Variants in SPPL2A observed in about 807,000 individuals in gnomAD.
The protein encoded by SPPL2A is signal peptide peptidase like 2A.
SPPL2A carries 51 observed loss-of-function variants against 63.8 expected under a neutral mutation model. The ratio of observed to expected loss-of-function variants is 0.80; its 90% confidence interval spans 0.64 to 1.01. The LOEUF is 1.01. Among genes scored for constraint, SPPL2A ranks in the 50% least tolerant of loss-of-function variants. SPPL2A has a pLI of 0.00. For synonymous variants in SPPL2A, 188 were observed against 205.8 expected, an observed-to-expected ratio of 0.91 and a Z score of 0.74; for missense variants, 553 against 622.7, an observed-to-expected ratio of 0.89 and a Z score of 1.19.
intron 14 of SPPL2A, among the ~76,000 whole-genome samples, chr15:50,715,048 A>G (rs2062590655): frequency 6.6e-6 from 1 of 150,684 alleles, no homozygotes; most frequent in Non-Finnish European, 1.5e-5. Context: ...GATGGAGTGC[A>G]GTGGTACAAT....
At chr15:50,751,748 A>G (rs995193106) in intron 1 of SPPL2A, among the ~76,000 whole-genome samples, 1 of 152,204 alleles carries the variant, frequency 6.6e-6, no homozygotes, top group Non-Finnish European at 1.5e-5. Context: ...ATATCATACT[A>G]GGGATTACAA....
At chr15:50,720,517 CTTT>C (rs750969318) in intron 13 of SPPL2A, among the ~76,000 whole-genome samples, 1 of 105,584 alleles carries the variant, frequency 9.5e-6, no homozygotes, top group African/African-American at 3.5e-5. Flanking sequence ...TTGAACTTTT[CTTT>C]TTTTTTTTTT....
chr15:50,707,868 C>T lies in SPPL2A; in HGVS notation c.1495G>A (p.Asp499Asn). ...FWKGNSYQMM[D>N]HLDCATNEEN... is the part of the protein sequence containing the mutation. ...TCATTTGTTGCACAATCCAAATGGT[C>T]CATCATCTAGGCATAAATAAAAGAC... The change falls in exon 15 of 15, where the codon GAC becomes AAC. Residue 499 changes from aspartate (D) to asparagine (N), a missense_variant. Coordinates refer to ENST00000261854, the MANE Select transcript of SPPL2A (RefSeq NM_032802.4). The T allele has an allele frequency of 6.3e-7, 1 of 1,578,450 alleles. No individual in the cohort carries two copies. The highest frequency in any genetic ancestry group is 8.7e-7 in the Non-Finnish European group (1 of 1,147,540).
At chr15:50,763,387 T>G (rs1335243108) in intron 1 of SPPL2A, among the ~76,000 whole-genome samples, 1 of 152,166 alleles carries the variant, frequency 6.6e-6, no homozygotes, top group African/African-American at 2.4e-5. Context: ...GAAAAATCAG[T>G]GATACTAGCT....
chr15:50,708,936 T>C (rs62018760), intron 14 of SPPL2A, among the ~76,000 whole-genome samples: 6,232 of 149,936 alleles, frequency 0.042, 155 homozygotes, highest in Middle Eastern at 0.12. Context: ...AATTGGGAGG[T>C]TGAGGCAGGA....
chr15:50,728,072 T>C (rs1008062042), intron 10 of SPPL2A, among the ~76,000 whole-genome samples: 3 of 152,212 alleles, frequency 2.0e-5, no homozygotes, highest in Non-Finnish European at 4.4e-5. Flanking sequence ...ATGCAAACAG[T>C]TTGCTGGGGC....
chr15:50,729,373 C>T (rs2062713040), intron 10 of SPPL2A, among the ~76,000 whole-genome samples: 1 of 152,262 alleles, frequency 6.6e-6, no homozygotes, highest in Admixed American at 6.5e-5. Flanking sequence ...CAGAAAGGTG[C>T]TAGTAAAATG....
rs148770699 is a variant in SPPL2A at position 50,745,816 on chromosome 15, C to T, written c.584+1679G>A. On this transcript the variant is annotated intron_variant, in intron 5 of 14. Transcript: ENST00000261854. ...CTGTAATCCCAACACTTTGGGAGGC[C>T]GAGGTGGGCAGATCACCTGAGGTCA... 2.6e-3 allele frequency among the ~76,000 whole-genome samples: 393 copies of T among 151,900 alleles called. 4 individuals carry two copies. Among genetic ancestry groups the T allele is most frequent in the African/African-American group, 8.9e-3 (370 of 41,440 alleles).
intron 14 of SPPL2A, among the ~76,000 whole-genome samples, chr15:50,715,107 C>T (rs2062591016): frequency 6.6e-6 from 1 of 152,172 alleles, no homozygotes; most frequent in Admixed American, 6.5e-5. Context: ...ATTCTCCTGC[C>T]TCAGCCTCCT....
intron 7 of SPPL2A, among the ~76,000 whole-genome samples, 156 bp from the exon 8 acceptor site, chr15:50,736,358 G>A (rs539844134): frequency 6.6e-6 from 1 of 152,222 alleles, no homozygotes; most frequent in South Asian, 2.1e-4. Context: ...GTAATAAAAT[G>A]TTTATCAGTC....
intron 1 of SPPL2A, among the ~76,000 whole-genome samples, chr15:50,750,896 C>T (rs937707241): frequency 6.6e-6 from 1 of 152,152 alleles, no homozygotes; most frequent in Non-Finnish European, 1.5e-5. Flanking sequence ...TAAGCTTCTG[C>T]CACCAAAGCA....
At chr15:50,739,950 AT>A in intron 5 of SPPL2A, 122 bp from the exon 6 acceptor site, 2 of 473,568 alleles carry the variant, frequency 4.2e-6, no homozygotes, top group Non-Finnish European at 6.5e-6. Flanking sequence ...TTATTAAAAT[AT>A]TTTTATTTTA....
In SPPL2A at chr15:50,748,179, A is replaced by C; in HGVS notation, c.384T>G (p.Ser128=). ...SVLFPPSGNR[S]EFPDVKILIA... ...TCAGTATTTTCACATCAGGAAATTC[A>C]GATCTGTTACCTGAGGGAGGAAACT... Residue 128 remains serine, a synonymous_variant, in exon 4 of 15, where the codon TCT becomes TCG. Transcript: ENST00000261854. 1.3e-6 allele frequency: 2 copies of C among 1,502,686 alleles called. No individual in the cohort carries two copies. The highest frequency in any genetic ancestry group is 1.8e-6 in the Non-Finnish European group (2 of 1,121,668). 93.1% of individuals were successfully genotyped at this position (1,502,686 alleles called of 1,614,324 possible).
intron 10 of SPPL2A, among the ~76,000 whole-genome samples, chr15:50,728,263 T>G (rs1044751444): frequency 3.3e-5 from 5 of 152,258 alleles, no homozygotes; most frequent in African/African-American, 7.2e-5. Context: ...CTATGAGATC[T>G]CTCATGGGGT....
chr15:50,756,403 A>G (rs182006329), intron 1 of SPPL2A, among the ~76,000 whole-genome samples: 27 of 151,798 alleles, frequency 1.8e-4, no homozygotes, highest in African/African-American at 6.5e-4. Flanking sequence ...TGAACATTAC[A>G]AGTGCCAAAT....
At chr15:50,740,427 C>CAAAAAAA (rs34361362) in intron 5 of SPPL2A, among the ~76,000 whole-genome samples, 2 of 60,072 alleles carry the variant, frequency 3.3e-5, no homozygotes, top group Admixed American at 1.9e-4. Context: ...AACTCCGTCT[C>CAAAAAAA]AAAAAAAAAA....
chr15:50,754,654 T>A (rs1639496125), intron 1 of SPPL2A, among the ~76,000 whole-genome samples: 1 of 152,184 alleles, frequency 6.6e-6, no homozygotes, highest in African/African-American at 2.4e-5. Flanking sequence ...CAGGAAGTAA[T>A]TAAAGCCAAA....
intron 5 of SPPL2A, among the ~76,000 whole-genome samples, chr15:50,743,900 C>A (rs1417598466): frequency 3.3e-5 from 5 of 151,932 alleles, no homozygotes; most frequent in Non-Finnish European, 5.9e-5. Context: ...AATTGCCAGG[C>A]GCAGTGGCTC....
Position 50,765,491 on chromosome 15 carries a change from G to A in SPPL2A, c.43C>T (p.Leu15Phe). 1 of 1,504,238 alleles carries A rather than the reference G, an allele frequency of 6.6e-7. No individual in the cohort carries two copies. Among genetic ancestry groups the A allele is most frequent in the East Asian group, 2.7e-5 (1 of 36,642 alleles). The allele number at this position is 1,504,238 out of a possible 1,614,324, so 93.2% of individuals were successfully genotyped here. The change falls in exon 1 of 15, where the codon CTC (leucine) becomes TTC (phenylalanine). Residue 15 changes from leucine (L) to phenylalanine (F), a missense_variant. Coordinates refer to ENST00000261854, the MANE Select transcript of SPPL2A (RefSeq NM_032802.4). ...ACCAGCTGGAGCAGGAAGCCCCAGAGTAGGGCGGCCCCGGCAGGGGACAGC... is the reference window on the plus strand; with the variant it reads ...ACCAGCTGGAGCAGGAAGCCCCAGAATAGGGCGGCCCCGGCAGGGGACAGC... Reference protein sequence around the residue: ...RRLSPAGAALLWGFLLQLTAA... With the variant: ...RRLSPAGAALFWGFLLQLTAA...
Sources: allele counts gnomAD v4.1 joint callset (sites outside exome capture counted in the v4.1 genomes callset), GRCh38; gene constraint gnomAD v4.1.1; transcripts MANE v1.5; gene names NCBI Gene and HGNC (gene_info 2026-07-23, HGNC 2026-07-21).